Variants in RBM4 observed in about 807,000 individuals in gnomAD.
RBM4 encodes the protein RNA binding motif protein 4.
RBM4 carries 7 observed loss-of-function variants against 29.5 expected under a neutral mutation model. The ratio of observed to expected loss-of-function variants is 0.24; its 90% CI spans 0.14 to 0.45. The LOEUF (loss-of-function observed/expected upper bound fraction) is 0.45. Among genes scored for constraint, RBM4 ranks in the 20% least tolerant of loss-of-function variants. The pLI is 1.00. For synonymous variants in RBM4, 220 were observed against 205.4 expected (o/e 1.07, Z -0.61); for missense variants, 387 against 502.3 (o/e 0.77, Z 2.19).
intron 3 of RBM4, 100 bp from the exon 4 acceptor site, chr11:66,645,922 TAAAAG>T (rs1590866357): frequency 3.3e-6 from 5 of 1,525,918 alleles, no homozygotes; most frequent in Non-Finnish European, 3.5e-6. Context: ...CAAGTAAACT[TAAAAG>T]GAGTGTCAAG....
chr11:66,644,324 C>T, intron 3 of RBM4, 184 bp downstream of exon 3: 1 of 817,648 alleles, frequency 1.2e-6, no homozygotes, highest in Non-Finnish European at 1.8e-6. Flanking sequence ...GTTCCTTGGC[C>T]CTCATGGCTA....
intron 2 of RBM4, chr11:66,665,789 A>C: frequency 7.2e-7 from 1 of 1,395,008 alleles, no homozygotes; most frequent in Non-Finnish European, 9.7e-7. Flanking sequence ...CTATATATAT[A>C]GGACAAGATG....
At chr11:66,653,923 G>A (rs1315737374) in intron 2 of RBM4, among the ~76,000 whole-genome samples, 1 of 151,286 alleles carries the variant, frequency 6.6e-6, no homozygotes, top group African/African-American at 2.4e-5. Context: ...AGGGCACAAT[G>A]GCATGCACCT....
chr11:66,667,597 G>C (rs188312930), exon 3 of RBM4: 5 of 152,234 alleles, frequency 3.3e-5, no homozygotes, highest in Admixed American at 2.0e-4. Flanking sequence ...TCAAGTAAAT[G>C]TCTTGGAAGT....
downstream of RBM4, among the ~76,000 whole-genome samples, chr11:66,651,394 T>C (rs1296634143): frequency 6.6e-6 from 1 of 151,292 alleles, no homozygotes; most frequent in Non-Finnish European, 1.5e-5. Flanking sequence ...GTCACCCAGG[T>C]TGGAGTGCAG....
At chr11:66,658,435 G>C (rs1939002798) in intron 2 of RBM4, among the ~76,000 whole-genome samples, 1 of 136,944 alleles carries the variant, frequency 7.3e-6, no homozygotes, top group Admixed American at 8.4e-5. Flanking sequence ...TCACAATTTA[G>C]GGGGTTTCTC....
intron 3 of RBM4, chr11:66,644,528 C>G (rs1430899771): frequency 3.3e-6 from 1 of 304,132 alleles, no homozygotes; most frequent in Non-Finnish European, 5.0e-6. Context: ...GTGCGACATT[C>G]CTAAGGTCTT....
intron 2 of RBM4, chr11:66,665,295 AAG>A (rs1369787058): frequency 2.2e-6 from 1 of 454,636 alleles, no homozygotes; most frequent in African/African-American, 2.0e-5. Context: ...AAAGCAAGAT[AAG>A]AGGGGTTCCA....
chr11:66,665,320 A>G (rs1416354981), intron 2 of RBM4: 2 of 527,584 alleles, frequency 3.8e-6, no homozygotes, highest in Non-Finnish European at 6.8e-6. Flanking sequence ...GCACAGGAAA[A>G]AGGGGATGCC....
intron 2 of RBM4, among the ~76,000 whole-genome samples, chr11:66,663,257 G>A: frequency 6.6e-6 from 1 of 152,180 alleles, no homozygotes; most frequent in East Asian, 1.9e-4. Context: ...TATGTGATTT[G>A]CTTTTCTGCT....
chr11:66,667,519 C>G (rs1025252270), exon 3 of RBM4: 6 of 152,114 alleles, frequency 3.9e-5, no homozygotes, highest in Admixed American at 6.6e-5. Flanking sequence ...CTTAAGTGCC[C>G]ATCTAGAACA....
chr11:66,640,095 CA>C lies in RBM4; in HGVS notation c.385del (p.Arg129GlyfsTer49). 1 of 1,614,206 alleles carries C rather than the reference CA, an allele frequency of 6.2e-7. No homozygotes were observed. The highest frequency in any genetic ancestry group is 1.1e-5 in the South Asian group (1 of 91,088). On this transcript the variant is annotated frameshift_variant, in exon 2 of 4. Coordinates refer to ENST00000310092, the MANE Select transcript of RBM4 (RefSeq NM_002896.4). LOFTEE classifies it high-confidence loss of function. ...GGGCAGAGGATGCAGTGGAGGCCAT[CA>C]GGGGCCTTGATAACACAGAGTTTCA... is the stretch of plus-strand genomic sequence containing the variant. ...ERAEDAVEAI[R>X]GLDNTEFQGK...
At chr11:66,644,293 C>A in intron 3 of RBM4, 153 bp downstream of exon 3, 1 of 1,101,744 alleles carries the variant, frequency 9.1e-7, no homozygotes, top group Non-Finnish European at 1.3e-6. Context: ...GTCCTAACTG[C>A]TTAACTTTAA....
At position 66,640,030 on chromosome 11, in the gene RBM4, T is replaced by C; in HGVS notation, c.319T>C (p.Cys107Arg). 1 of 1,614,188 alleles carries C rather than the reference T, an allele frequency of 6.2e-7. No individual in the cohort carries two copies. Among genetic ancestry groups the C allele is most frequent in the Non-Finnish European group, 8.5e-7 (1 of 1,180,034 alleles). The part of the protein sequence containing the change: ...KFEEYGPVIE[C>R]DIVKDYAFVH... Reference sequence around the variant, plus strand: ...TGAGGAGTATGGTCCGGTCATCGAATGTGACATCGTGAAAGATTATGCCTT... The same window carrying C: ...TGAGGAGTATGGTCCGGTCATCGAACGTGACATCGTGAAAGATTATGCCTT... The change falls in exon 2 of 4, where the codon TGT (cysteine) becomes CGT (arginine). Residue 107 changes from cysteine (C) to arginine (R), a missense_variant. By Grantham distance (180) the Cys-to-Arg change is radical. Coordinates refer to ENST00000310092, the MANE Select transcript of RBM4 (RefSeq NM_002896.4).
intron 2 of RBM4, among the ~76,000 whole-genome samples, chr11:66,657,682 CAAAAAA>C (rs763265823): frequency 3.6e-5 from 1 of 28,058 alleles, no homozygotes; most frequent in Non-Finnish European, 7.6e-5. Flanking sequence ...GATTCCATCT[CAAAAAA>C]AAAAAAAAAA....
At chr11:66,662,971 AT>A (rs975637978) in intron 2 of RBM4, among the ~76,000 whole-genome samples, 2 of 152,332 alleles carry the variant, frequency 1.3e-5, no homozygotes, top group Non-Finnish European at 2.9e-5. Flanking sequence ...ACTTCTGTAG[AT>A]TGTCAGACCA....
At chr11:66,663,698 GTA>G (rs1272941333) in intron 2 of RBM4, among the ~76,000 whole-genome samples, 15 of 119,946 alleles carry the variant, frequency 1.3e-4, no homozygotes, top group African/African-American at 2.9e-4. Context: ...AAATGTGTGT[GTA>G]TATGTGTGTG....
In RBM4 at chr11:66,643,312, T is replaced by C. The variant is rs554234; in HGVS notation, c.413-138T>C. ...CTATATGTTGAGTCTTTTTTTTTTT[T>C]CCTTTTTATCTTTTCCTAAAGATGA... is the stretch of plus-strand genomic sequence containing the variant. On this transcript the variant is annotated intron_variant, in intron 2 of 3. Transcript: ENST00000310092. This position sits in a 1 kb window ranked among gnomAD's most constrained non-coding sequence, Gnocchi z 6.1. 1 of 1,162,004 alleles carries C rather than the reference T, an allele frequency of 8.6e-7. No individual in the cohort carries two copies. Among genetic ancestry groups the C allele is most frequent in the Non-Finnish European group, 1.2e-6 (1 of 856,910 alleles). The allele number at this position is 1,162,004 out of a possible 1,614,324, so 72.0% of individuals were successfully genotyped here.
In RBM4 at chr11:66,644,102, TGCCGATCGG is replaced by T; in HGVS notation, c.1068_1076del (p.Asp357_Ala359del). 6.2e-7 allele frequency: 1 copy of T among 1,613,990 alleles called. No homozygotes were observed. The highest frequency in any genetic ancestry group is 8.5e-7 in the Non-Finnish European group (1 of 1,179,986). ...TGGCCCGGTATGAGCGGGAGCAGTA[TGCCGATCGG>T]GCGCGGTACTCAGCCTTTTAAAGCT... On this transcript the variant is annotated inframe_deletion, in exon 3 of 4. Coordinates refer to ENST00000310092, the MANE Select transcript of RBM4 (RefSeq NM_002896.4).
Sources: gnomAD v4.1 joint callset for allele counts (sites outside exome capture counted in the v4.1 genomes callset) on GRCh38, gnomAD v4.1.1 for gene constraint, Gnocchi (gnomAD v3.1) non-coding constraint, MANE v1.5 for transcripts, NCBI Gene and HGNC (gene_info 2026-07-23, HGNC 2026-07-21) for gene names.